Variants in TMEM51 observed in about 807,000 individuals in gnomAD.
The protein encoded by TMEM51 is transmembrane protein 51.
TMEM51 carries 8 observed loss-of-function variants against 13.6 expected under a neutral mutation model. The ratio of observed to expected loss-of-function variants is 0.59; its 90% CI spans 0.35 to 1.07. The LOEUF is 1.07. Among genes scored for constraint, TMEM51 ranks in the 50% least tolerant of loss-of-function variants. The pLI, the probability that TMEM51 is intolerant of heterozygous loss-of-function variation, is 0.02. For synonymous variants in TMEM51, 147 were observed against 144.4 expected (o/e 1.02, Z -0.13); for missense variants, 279 against 330.7 (o/e 0.84, Z 1.21).
chr1:15,168,365 G>C, intron 1 of TMEM51: 6 of 1,069,732 alleles, frequency 5.6e-6, no homozygotes, highest in Non-Finnish European at 7.2e-6. Flanking sequence ...AAGGGGAATG[G>C]GGAAGAAAAG....
At chr1:15,168,183 T>C (rs1643095266) in intron 1 of TMEM51, among the ~76,000 whole-genome samples, 1 of 152,216 alleles carries the variant, frequency 6.6e-6, no homozygotes, top group Non-Finnish European at 1.5e-5. Context: ...TGTTGGGTAA[T>C]TTCAAACTTG....
chr1:15,171,076 A>G, intron 1 of TMEM51: 1 of 996,948 alleles, frequency 1.0e-6, no homozygotes, highest in South Asian at 1.5e-5. Flanking sequence ...TTGTTAAAAC[A>G]TAGATTGCTG....
chr1:15,172,870 A>T (rs1038447104), intron 1 of TMEM51, among the ~76,000 whole-genome samples: 1 of 152,172 alleles, frequency 6.6e-6, no homozygotes, highest in African/African-American at 2.4e-5. Flanking sequence ...TGTCGACACT[A>T]CCTGCTCATT....
intron 1 of TMEM51, 133 bp downstream of exon 1, chr1:15,154,087 C>T (rs1642497569): frequency 6.6e-6 from 1 of 151,880 alleles, no homozygotes; most frequent in Admixed American, 6.5e-5. Context: ...GCGCTTCCCG[C>T]CTGGGGTCGA....
chr1:15,182,206 A>AAATGAATGAATG (rs1452812707), intron 1 of TMEM51, among the ~76,000 whole-genome samples: 9 of 148,928 alleles, frequency 6.0e-5, no homozygotes, highest in South Asian at 2.1e-4. Context: ...ATAAATAAAT[A>AAATGAATGAATG]ACTGCACTAG....
intron 1 of TMEM51, among the ~76,000 whole-genome samples, chr1:15,155,626 C>T (rs536304900): frequency 6.6e-6 from 1 of 152,288 alleles, no homozygotes; most frequent in Non-Finnish European, 1.5e-5. Context: ...GCAGATCGAA[C>T]AGCACAGGCA....
chr1:15,205,320 G>C (rs972659034), intron 1 of TMEM51, among the ~76,000 whole-genome samples: 3 of 152,176 alleles, frequency 2.0e-5, no homozygotes, highest in Non-Finnish European at 4.4e-5. Flanking sequence ...TGGAGTCGGG[G>C]AGGGAAGCTG....
At chr1:15,181,162 A>G (rs186703900) in intron 1 of TMEM51, among the ~76,000 whole-genome samples, 134 of 152,304 alleles carry the variant, frequency 8.8e-4, no homozygotes, top group Non-Finnish European at 1.6e-3. Flanking sequence ...TTAAAATGGG[A>G]GTGCTAATAC....
rs1644498183 is a variant in TMEM51 at position 15,220,266 on chromosome 1, C to T, written c.*523C>T. On this transcript the variant is annotated 3_prime_UTR_variant, in exon 4 of 4. Transcript: ENST00000376008. ...GGTGAGGCTCAGGTGGCGGCTCTCG[C>T]AGAGCCCCTGATGCTGTTGTTCTTT... 1 of 155,522 alleles carries T rather than the reference C, an allele frequency of 6.4e-6. No homozygotes were observed. The highest frequency in any genetic ancestry group is 6.2e-5 in the Admixed American group (1 of 16,196). 9.6% of individuals were successfully genotyped at this position (155,522 alleles called of 1,614,324 possible). A position where few individuals can be genotyped will look rare whatever the true frequency, so the allele number is the denominator to read the frequency against.
rs560824961 is a variant in TMEM51, at chr1:15,207,661, G to A, written c.-266-2829G>A. On this transcript the variant is annotated intron_variant, in intron 1 of 3. Transcript: ENST00000376008. The surrounding 1 kb of genome is among the most constrained non-coding windows in gnomAD (Gnocchi z 4.6). ...TCTGGTTGGCCAGGGGTGTGCACACGAGTGGAAAGAGCCTCTGCCCAGCGT... is the reference window on the plus strand; with the variant it reads ...TCTGGTTGGCCAGGGGTGTGCACACAAGTGGAAAGAGCCTCTGCCCAGCGT... 1.3e-5 allele frequency among the ~76,000 whole-genome samples: 2 copies of A among 152,274 alleles called. No individual in the cohort carries two copies. Among genetic ancestry groups the A allele is most frequent in the Admixed American group, 6.5e-5 (1 of 15,296 alleles).
chr1:15,157,170 C>A (rs1024823678), intron 1 of TMEM51, among the ~76,000 whole-genome samples: 1 of 152,178 alleles, frequency 6.6e-6, no homozygotes, highest in Non-Finnish European at 1.5e-5. Flanking sequence ...CAGAGATAGC[C>A]CTCTGAGGGT....
intron 1 of TMEM51, among the ~76,000 whole-genome samples, chr1:15,189,349 C>T (rs1171629002): frequency 1.3e-5 from 2 of 151,760 alleles, no homozygotes; most frequent in Non-Finnish European, 2.9e-5. Flanking sequence ...AGCTACCTCG[C>T]CCAGCCATTG....
chr1:15,214,891 C>G lies in TMEM51; in HGVS notation c.-193-4C>G. The G allele has an allele frequency of 5.1e-6, 3 of 590,706 alleles. No individual in the cohort carries two copies. Among genetic ancestry groups the G allele is most frequent in the Non-Finnish European group, 6.0e-6 (2 of 335,822 alleles). The allele number at this position is 590,706 out of a possible 1,614,324, so 36.6% of individuals were successfully genotyped here. On this transcript the variant is annotated splice_polypyrimidine_tract_variant and splice_region_variant and intron_variant, in intron 2 of 3. Transcript: ENST00000376008. ...CCTCTCTGCTCTTTCTGCTTTCCTT[C>G]CAGGCCCTTCCACCGCAGCCATCCG...
At chr1:15,162,129 A>G (rs552011403) in intron 1 of TMEM51, among the ~76,000 whole-genome samples, 1 of 151,858 alleles carries the variant, frequency 6.6e-6, no homozygotes, top group Admixed American at 6.5e-5. Flanking sequence ...CAACAACCAA[A>G]CACCCACTAG....
At chr1:15,206,918 A>T (rs1222058396) in intron 1 of TMEM51, among the ~76,000 whole-genome samples, 1 of 152,176 alleles carries the variant, frequency 6.6e-6, no homozygotes, top group Admixed American at 6.5e-5. Flanking sequence ...CAGGAACCTG[A>T]CACCCTTTGA....
At chr1:15,157,016 C>T (rs1389791477) in intron 1 of TMEM51, among the ~76,000 whole-genome samples, 2 of 152,318 alleles carry the variant, frequency 1.3e-5, no homozygotes, top group Non-Finnish European at 2.9e-5. Flanking sequence ...ATTGAGCCCT[C>T]GCTGCCATGG....
intron 1 of TMEM51, among the ~76,000 whole-genome samples, chr1:15,194,230 C>T (rs1037830111): frequency 6.6e-6 from 1 of 152,136 alleles, no homozygotes; most frequent in Non-Finnish European, 1.5e-5. Flanking sequence ...GACAAAGAAA[C>T]AGGCAAAATT....
chr1:15,168,604 C>T lies in TMEM51; in HGVS notation c.-267+14650C>T, dbSNP rs41307800. Reference sequence around the variant, plus strand: ...CTGTGCCTGGCTGAGCCAAGAGAGACGAAGGCCATAGAGTTCTTCAACCTT... The same window carrying T: ...CTGTGCCTGGCTGAGCCAAGAGAGATGAAGGCCATAGAGTTCTTCAACCTT... On this transcript the variant is annotated intron_variant, in intron 1 of 3. Transcript: ENST00000376008. The T allele has an allele frequency of 1.9e-3, 2,434 of 1,304,476 alleles. 2 individuals carry two copies. Among genetic ancestry groups the T allele is most frequent in the South Asian group, 2.6e-3 (214 of 81,024 alleles). 80.8% of individuals were successfully genotyped at this position (1,304,476 alleles called of 1,614,324 possible).
chr1:15,189,333 G>C (rs12568115), intron 1 of TMEM51, among the ~76,000 whole-genome samples: 20,124 of 150,676 alleles, frequency 0.13, 1,694 homozygotes, highest in Non-Finnish European at 0.19. Context: ...TGGGATTACA[G>C]GCGTGAGCTA....
Sources: gnomAD v4.1 joint callset for allele counts (sites outside exome capture counted in the v4.1 genomes callset) on GRCh38, gnomAD v4.1.1 for gene constraint, Gnocchi (gnomAD v3.1) non-coding constraint, MANE v1.5 for transcripts, NCBI Gene and HGNC (gene_info 2026-07-23, HGNC 2026-07-21) for gene names.